The following PHACTR4 variants were observed in gnomAD, a reference collection of about 807,000 sequenced individuals.
PHACTR4 encodes the protein phosphatase and actin regulator 4, also known as protein phosphatase 1, regulatory subunit 124.
PHACTR4 carries 51 observed loss-of-function variants against 72.7 expected under a neutral mutation model. The ratio of observed to expected loss-of-function variants is 0.70; its 90% confidence interval spans 0.56 to 0.89. The LOEUF is 0.89. Ranked by LOEUF, PHACTR4 falls within the 40% of genes least tolerant of loss-of-function variation. PHACTR4 has a pLI of 0.00. For missense variants in PHACTR4, 731 were observed against 861.8 expected, an observed-to-expected ratio of 0.85 and a Z score of 1.90; for synonymous variants, 255 against 302.5, an observed-to-expected ratio of 0.84 and a Z score of 1.63.
intron 1 of PHACTR4, among the ~76,000 whole-genome samples, chr1:28,385,140 C>CTA (rs1652460682): frequency 6.6e-6 from 1 of 151,936 alleles, no homozygotes; most frequent in South Asian, 2.1e-4. Flanking sequence ...TCTAAATATC[C>CTA]CTCTTAACAC....
chr1:28,468,296 A>G (rs1659339320), intron 6 of PHACTR4, among the ~76,000 whole-genome samples: 1 of 152,214 alleles, frequency 6.6e-6, no homozygotes, highest in African/African-American at 2.4e-5. Context: ...ATTGTGACTC[A>G]TTCAAGGTTG....
intron 2 of PHACTR4, among the ~76,000 whole-genome samples, chr1:28,449,420 G>A (rs1042547610): frequency 3.9e-5 from 6 of 152,130 alleles, no homozygotes; most frequent in Non-Finnish European, 8.8e-5. Context: ...AGGGCATATT[G>A]TTTAATCCTG....
intron 1 of PHACTR4, among the ~76,000 whole-genome samples, chr1:28,396,342 G>A (rs1431763106): frequency 6.6e-6 from 1 of 151,604 alleles, no homozygotes; most frequent in Non-Finnish European, 1.5e-5. Context: ...GACCAGCCTG[G>A]CCAACATGGT....
At chr1:28,380,338 G>A (rs1652066984) in intron 1 of PHACTR4, among the ~76,000 whole-genome samples, 1 of 152,120 alleles carries the variant, frequency 6.6e-6, no homozygotes, top group South Asian at 2.1e-4. Flanking sequence ...TTACAGGCGT[G>A]AGCCACCGCG....
chr1:28,372,866 A>C (rs992631891), intron 1 of PHACTR4, among the ~76,000 whole-genome samples: 3 of 151,072 alleles, frequency 2.0e-5, no homozygotes, highest in Non-Finnish European at 2.9e-5. Flanking sequence ...AAAAAAAAAA[A>C]CACAGAAATA....
chr1:28,494,510 C>G (rs184734974), intron 13 of PHACTR4, among the ~76,000 whole-genome samples: 197 of 152,140 alleles, frequency 1.3e-3, no homozygotes, highest in African/African-American at 4.4e-3. Flanking sequence ...AAAAATTAGC[C>G]GGGCATGGTG....
intron 2 of PHACTR4, chr1:28,453,880 CA>C: frequency 2.3e-6 from 2 of 851,990 alleles, no homozygotes; most frequent in Non-Finnish European, 3.8e-6. Flanking sequence ...GGATCAGGAC[CA>C]AAAGAAGAGG....
chr1:28,493,196 G>A (rs1661144558), intron 13 of PHACTR4, 105 bp downstream of exon 13: 2 of 955,022 alleles, frequency 2.1e-6, no homozygotes, highest in Non-Finnish European at 3.3e-6. Flanking sequence ...AAAACACTCA[G>A]TGTTGATTGC....
intron 9 of PHACTR4, among the ~76,000 whole-genome samples, chr1:28,483,885 A>G (rs1300784436): frequency 6.6e-6 from 1 of 152,048 alleles, no homozygotes; most frequent in African/African-American, 2.4e-5. Context: ...TCTTCTGTAA[A>G]GAACCAAATA....
chr1:28,470,695 ATAAAT>A (rs1659505437), intron 6 of PHACTR4, among the ~76,000 whole-genome samples: 1 of 151,882 alleles, frequency 6.6e-6, no homozygotes, highest in East Asian at 1.9e-4. Flanking sequence ...CCTGTCTAAA[ATAAAT>A]TAATTTAATT....
intron 1 of PHACTR4, among the ~76,000 whole-genome samples, chr1:28,399,309 C>T (rs775343044): frequency 2.6e-5 from 4 of 152,054 alleles, no homozygotes; most frequent in Non-Finnish European, 5.9e-5. Flanking sequence ...AAGACTCTGT[C>T]TCAAAAAATA....
chr1:28,485,187 C>T (rs1330127335), intron 9 of PHACTR4, among the ~76,000 whole-genome samples: 4 of 151,998 alleles, frequency 2.6e-5, no homozygotes, highest in East Asian at 3.8e-4. Context: ...GTCAGGGGCT[C>T]GGGATTGAAG....
intron 9 of PHACTR4, among the ~76,000 whole-genome samples, chr1:28,488,043 ATTG>A (rs914241972): frequency 1.3e-5 from 2 of 152,024 alleles, no homozygotes; most frequent in Non-Finnish European, 2.9e-5. Context: ...TGGCCAACAA[ATTG>A]TTATTGGTGA....
chr1:28,413,097 C>T (rs1228901400), intron 2 of PHACTR4, among the ~76,000 whole-genome samples: 3 of 152,180 alleles, frequency 2.0e-5, no homozygotes, highest in Non-Finnish European at 4.4e-5. Context: ...CTTCCATGAA[C>T]CTGGTCCCTG....
At chr1:28,426,958 GTCA>G (rs1655907184) in intron 2 of PHACTR4, among the ~76,000 whole-genome samples, 1 of 152,196 alleles carries the variant, frequency 6.6e-6, no homozygotes, top group Non-Finnish European at 1.5e-5. Context: ...CCCATGTGTA[GTCA>G]TATGTAGCTA....
At chr1:28,466,099 C>G (rs891438274) in intron 5 of PHACTR4, among the ~76,000 whole-genome samples, 4 of 152,136 alleles carry the variant, frequency 2.6e-5, no homozygotes, top group Non-Finnish European at 5.9e-5. Context: ...TTTTTTCCAG[C>G]TACACATTCC....
At chr1:28,383,479 T>C (rs1374435774) in intron 1 of PHACTR4, among the ~76,000 whole-genome samples, 1 of 152,200 alleles carries the variant, frequency 6.6e-6, no homozygotes, top group Non-Finnish European at 1.5e-5. Flanking sequence ...TTCCTATCCA[T>C]AGGCATGGGA....
chr1:28,369,944 A>T, intron 1 of PHACTR4, 119 bp downstream of exon 1: 1 of 352,760 alleles, frequency 2.8e-6, no homozygotes, highest in South Asian at 2.1e-5. Flanking sequence ...GGCAGAAGGT[A>T]ACGGCCCGGG....
Position 28,410,580 on chromosome 1 carries a change from G to A in PHACTR4, c.16+3117G>A, listed in dbSNP as rs1654715850. 2.0e-5 allele frequency among the ~76,000 whole-genome samples: 3 copies of A among 152,192 alleles called. No homozygotes were observed. The South Asian group carries it at 6.2e-4, about 32-fold the overall frequency. On this transcript the variant is annotated intron_variant, in intron 2 of 13. Coordinates refer to ENST00000373839, the MANE Select transcript of PHACTR4 (RefSeq NM_001048183.3). The stretch of plus-strand genomic sequence containing the variant: ...AATTTTCTAGGGAGTATCAACGTGA[G>A]AGTTGCTATAGAAGTTATAGTTGAC...
Sources: allele counts gnomAD v4.1 joint callset (sites outside exome capture counted in the v4.1 genomes callset), GRCh38; gene constraint gnomAD v4.1.1; transcripts MANE v1.5; gene names NCBI Gene and HGNC (gene_info 2026-07-23, HGNC 2026-07-21).